Variants in MYO1D observed in about 807,000 individuals in gnomAD.
MYO1D encodes the protein myosin ID, also known as unconventional myosin-Id.
In MYO1D, 83 loss-of-function variants were observed where a neutral mutation model predicts 122.0. That is an observed-to-expected ratio of 0.68 (90% CI 0.57 to 0.82). The LOEUF is 0.82. Among genes scored for constraint, MYO1D ranks in the 40% least tolerant of loss-of-function variants. The probability of loss-of-function intolerance (pLI) is 0.00; values close to 1 mark genes in which losing one functional copy is unlikely to be tolerated. For synonymous variants in MYO1D, 464 were observed against 446.9 expected (o/e 1.04, Z -0.48); for missense variants, 1,157 against 1,269.5 (o/e 0.91, Z 1.35).
intron 21 of MYO1D, among the ~76,000 whole-genome samples, chr17:32,566,486 G>T (rs1342812195): frequency 6.6e-6 from 1 of 152,068 alleles, no homozygotes; most frequent in Non-Finnish European, 1.5e-5. Context: ...GCCTGCAGGT[G>T]AGCCTGCAGG....
intron 5 of MYO1D, among the ~76,000 whole-genome samples, 153 bp from the exon 6 acceptor site, chr17:32,771,373 A>G (rs1021777095): frequency 3.3e-5 from 5 of 152,138 alleles, no homozygotes; most frequent in Admixed American, 2.0e-4. Context: ...GTTTTTTTAA[A>G]CATTCAAGGT....
chr17:32,711,265 C>T (rs528012584), intron 16 of MYO1D, among the ~76,000 whole-genome samples: 46 of 152,164 alleles, frequency 3.0e-4, no homozygotes, highest in Non-Finnish European at 5.6e-4. Flanking sequence ...TGAGTCAGCA[C>T]TGAGGTCAAG....
chr17:32,502,736 C>A (rs889759292), intron 21 of MYO1D, among the ~76,000 whole-genome samples: 1 of 152,158 alleles, frequency 6.6e-6, no homozygotes, highest in Non-Finnish European at 1.5e-5. Flanking sequence ...ACGGAGTAGA[C>A]GCTTGGGGTC....
intron 3 of MYO1D, among the ~76,000 whole-genome samples, chr17:32,777,409 A>G (rs2090184979): frequency 6.9e-6 from 1 of 144,578 alleles, no homozygotes; most frequent in Non-Finnish European, 1.5e-5. Flanking sequence ...TTACTAAATT[A>G]GTACTGAGCT....
At chr17:32,575,971 A>C (rs2087275468) in intron 21 of MYO1D, among the ~76,000 whole-genome samples, 1 of 152,212 alleles carries the variant, frequency 6.6e-6, no homozygotes, top group South Asian at 2.1e-4. Flanking sequence ...CTCATCTAAG[A>C]GATGTGACAA....
At chr17:32,818,424 C>T (rs2090632507) in intron 1 of MYO1D, among the ~76,000 whole-genome samples, 1 of 152,158 alleles carries the variant, frequency 6.6e-6, no homozygotes, top group Non-Finnish European at 1.5e-5. Flanking sequence ...TGGGAAGGTA[C>T]CACCACTTGA....
chr17:32,530,380 A>G (rs528077221), intron 21 of MYO1D, among the ~76,000 whole-genome samples: 2 of 152,368 alleles, frequency 1.3e-5, no homozygotes, highest in East Asian at 3.9e-4. Flanking sequence ...ACATAGGGAA[A>G]TATTTTAAAA....
intron 14 of MYO1D, among the ~76,000 whole-genome samples, chr17:32,736,652 G>T (rs746966257): frequency 1.3e-5 from 2 of 152,200 alleles, no homozygotes; most frequent in Non-Finnish European, 2.9e-5. Flanking sequence ...ATTATAGAAG[G>T]TTCTGGAATT....
chr17:32,706,752 A>G (rs2089313287), intron 16 of MYO1D, among the ~76,000 whole-genome samples: 1 of 152,092 alleles, frequency 6.6e-6, no homozygotes, highest in African/African-American at 2.4e-5. Context: ...GCTGGAGTGT[A>G]GTGGCGCGAT....
intron 15 of MYO1D, among the ~76,000 whole-genome samples, chr17:32,713,609 T>G (rs1426817483): frequency 6.6e-6 from 1 of 152,026 alleles, no homozygotes. Flanking sequence ...CTTGATAGAT[T>G]TAGTGAGTTG....
At chr17:32,783,071 G>A (rs1457509839) in intron 1 of MYO1D, among the ~76,000 whole-genome samples, 1 of 151,796 alleles carries the variant, frequency 6.6e-6, no homozygotes, top group African/African-American at 2.4e-5. Context: ...GGCTTAACCT[G>A]CAAATTTGCA....
chr17:32,748,112 CCTTGGA>C (rs2089857290), intron 12 of MYO1D, among the ~76,000 whole-genome samples: 1 of 152,054 alleles, frequency 6.6e-6, no homozygotes, highest in Non-Finnish European at 1.5e-5. Flanking sequence ...TTACAGCAGC[CCTTGGA>C]ACCTAATGTA....
intron 16 of MYO1D, among the ~76,000 whole-genome samples, chr17:32,687,430 C>G (rs373064680): frequency 8.9e-4 from 136 of 152,310 alleles, no homozygotes; most frequent in African/African-American, 3.0e-3. Context: ...ATCTCCTGAC[C>G]TCATGATCCA....
At chr17:32,638,691 C>A in intron 20 of MYO1D, 31 bp downstream of exon 20, 2 of 1,496,654 alleles carry the variant, frequency 1.3e-6, no homozygotes, top group South Asian at 1.1e-5. Flanking sequence ...GGTTAAGAAT[C>A]TTTATCCAGA....
intron 20 of MYO1D, among the ~76,000 whole-genome samples, chr17:32,629,283 G>A (rs1050578975): frequency 3.4e-5 from 5 of 146,790 alleles, no homozygotes; most frequent in Non-Finnish European, 6.1e-5. Context: ...ACTGTTCTGT[G>A]TGATACTGTA....
rs559516588 is a variant in MYO1D, at chr17:32,650,004, A to C, written c.2595+3839T>G. Among the ~76,000 whole-genome samples the C allele has an allele frequency of 2.0e-5, 3 of 152,398 alleles. No individual in the cohort carries two copies. The East Asian group carries it at 5.8e-4, about 29-fold the overall frequency. ...ACCTTTTAAAGACATTTAAGTAAGA[A>C]AAGACATGTATTTGTCTATGTAGCT... On this transcript the variant is annotated intron_variant, in intron 19 of 21. Coordinates refer to ENST00000318217, the MANE Select transcript of MYO1D (RefSeq NM_015194.3).
chr17:32,765,537 CA>C (rs1456457021), intron 7 of MYO1D, among the ~76,000 whole-genome samples: 1 of 152,064 alleles, frequency 6.6e-6, no homozygotes, highest in Non-Finnish European at 1.5e-5. Context: ...TGGCTCACTG[CA>C]AGCTCTGCCT....
chr17:32,597,424 A>G (rs566976588), intron 21 of MYO1D, among the ~76,000 whole-genome samples: 1 of 152,264 alleles, frequency 6.6e-6, no homozygotes, highest in Admixed American at 6.5e-5. Context: ...ACCTATATCT[A>G]TACATTGTTT....
At chr17:32,813,099 GTGAAAAGA>G (rs2090585973) in intron 1 of MYO1D, among the ~76,000 whole-genome samples, 1 of 152,200 alleles carries the variant, frequency 6.6e-6, no homozygotes, top group Non-Finnish European at 1.5e-5. Context: ...TTCCCAATAT[GTGAAAAGA>G]TACTCTGGCA....
Sources: gnomAD v4.1 joint callset for allele counts (sites outside exome capture counted in the v4.1 genomes callset) on GRCh38, gnomAD v4.1.1 for gene constraint, MANE v1.5 for transcripts, NCBI Gene and HGNC (gene_info 2026-07-23, HGNC 2026-07-21) for gene names.